Variants in OR2M3 observed in about 807,000 individuals in gnomAD.
OR2M3 encodes olfactory receptor 2M3.
OR2M3 carries 1 observed loss-of-function variant against 4.3 expected under a neutral mutation model. The ratio of observed to expected loss-of-function variants is 0.23; its 90% CI spans 0.08 to 1.11. OR2M3 has a LOEUF of 1.11. Among genes scored for constraint, OR2M3 ranks in the 50% most tolerant of loss-of-function variants. OR2M3 has a pLI of 0.54. For missense variants in OR2M3, 410 were observed against 390.4 expected, an observed-to-expected ratio of 1.05 and a Z score of -0.42; for synonymous variants, 151 against 139.4, an observed-to-expected ratio of 1.08 and a Z score of -0.59.
At chr1:248,199,831 T>G (rs1666136480) in intron 1 of OR2M3, among the ~76,000 whole-genome samples, 1 of 152,002 alleles carries the variant, frequency 6.6e-6, no homozygotes, top group African/African-American at 2.4e-5. Flanking sequence ...CACATGGATA[T>G]GAAGGAGGTG....
rs1425983776 is a variant in OR2M3 at position 248,209,047 on chromosome 1, G to T, written c.*5041G>T. 6.6e-6 allele frequency: 1 copy of T among 151,952 alleles called. No homozygotes were observed. Among genetic ancestry groups the T allele is most frequent in the East Asian group, 1.9e-4 (1 of 5,188 alleles). The allele number at this position is 151,952 out of a possible 1,614,324, so 9.4% of individuals were successfully genotyped here. ...TTTTTTTCTTGTCTTGAATGAACTG[G>T]GTTAATTTGAAAGCCTTGTCTTCAA... On this transcript the variant is annotated 3_prime_UTR_variant, in exon 2 of 2. Transcript: ENST00000641626.
rs200425194 is a variant in OR2M3 at position 248,203,367 on chromosome 1, A to T, written c.300A>T (p.Gln100His). ...TTTCTATGGCTGGTTGTGCCACACAAATTTTCTTCTATACATCACTGCTTG... is the reference window on the plus strand; with the variant it reads ...TTTCTATGGCTGGTTGTGCCACACATATTTTCTTCTATACATCACTGCTTG... Reference protein sequence around the residue: ...KSISMAGCATQIFFYTSLLGS... With the variant: ...KSISMAGCATHIFFYTSLLGS... Residue 100 changes from glutamine (Q) to histidine (H), a missense_variant, in exon 2 of 2, where the codon CAA becomes CAT. Transcript: ENST00000641626. 50 of 1,614,072 alleles carry T rather than the reference A, an allele frequency of 3.1e-5. No individual in the cohort carries two copies. The African/African-American group carries it at 6.0e-4, about 19-fold the overall frequency.
chr1:248,203,271 C>T lies in OR2M3; in HGVS notation c.204C>T (p.Leu68=), dbSNP rs1312225932. 3.7e-6 allele frequency: 6 copies of T among 1,614,080 alleles called. No homozygotes were observed. The East Asian group carries it at 1.3e-4, about 36-fold the overall frequency. ...PMYLLLSQLS[L]MDLMLICTTV... ...ACCTCCTCCTCAGCCAACTGTCCCT[C>T]ATGGACCTCATGCTCATCTGCACCA... Residue 68 remains leucine, a synonymous_variant, in exon 2 of 2, where the codon CTC becomes CTT. Coordinates refer to ENST00000641626, the MANE Select transcript of OR2M3 (RefSeq NM_001004689.2).
In OR2M3 at chr1:248,208,841, C is replaced by T. The variant is rs1462056316; in HGVS notation, c.*4835C>T. The T allele has an allele frequency of 2.0e-5, 3 of 152,102 alleles. No homozygotes were observed. Among genetic ancestry groups the T allele is most frequent in the Admixed American group, 2.0e-4 (3 of 15,256 alleles). 9.4% of individuals were successfully genotyped at this position (152,102 alleles called of 1,614,324 possible). A position where few individuals can be genotyped will look rare whatever the true frequency, so the allele number is the denominator to read the frequency against. ...TTTTGTCATGAATTTCCCAGGTGTTCTTTGAGCTTCTTGAGTTTGGATGTT... is the reference window on the plus strand; with the variant it reads ...TTTTGTCATGAATTTCCCAGGTGTTTTTTGAGCTTCTTGAGTTTGGATGTT... On this transcript the variant is annotated 3_prime_UTR_variant, in exon 2 of 2. Coordinates refer to ENST00000641626, the MANE Select transcript of OR2M3 (RefSeq NM_001004689.2).
Position 248,205,438 on chromosome 1 carries a change from G to C in OR2M3, c.*1432G>C, listed in dbSNP as rs1160831308. The C allele has an allele frequency of 6.6e-6, 1 of 151,976 alleles. No homozygotes were observed. The highest frequency in any genetic ancestry group is 6.6e-5 in the Admixed American group (1 of 15,248). The allele number at this position is 151,976 out of a possible 1,614,324, so 9.4% of individuals were successfully genotyped here. The stretch of plus-strand genomic sequence containing the variant: ...TTATGTTTTCAGTACTTAGATTTAA[G>C]GTTTTTATCCATCTTGAGTTGATTT... On this transcript the variant is annotated 3_prime_UTR_variant, in exon 2 of 2. Coordinates refer to ENST00000641626, the MANE Select transcript of OR2M3 (RefSeq NM_001004689.2).
intron 1 of OR2M3, among the ~76,000 whole-genome samples, chr1:248,197,918 C>CA (rs1488571765): frequency 4.6e-5 from 7 of 151,588 alleles, no homozygotes; most frequent in Non-Finnish European, 1.0e-4. Context: ...GGTTCTATTC[C>CA]AAAAAAATCT....
rs767650961 is a variant in OR2M3 at position 248,210,645 on chromosome 1, C to G, written c.*6639C>G. 2 of 151,816 alleles carry G rather than the reference C, an allele frequency of 1.3e-5. No homozygotes were observed. The highest frequency in any genetic ancestry group is 2.9e-5 in the Non-Finnish European group (2 of 67,902). 9.4% of individuals were successfully genotyped at this position (151,816 alleles called of 1,614,324 possible). A position where few individuals can be genotyped will look rare whatever the true frequency, so the allele number is the denominator to read the frequency against. On this transcript the variant is annotated 3_prime_UTR_variant, in exon 2 of 2. Transcript: ENST00000641626. ...CACCCTTAAGAAGGTTCTTTGTAAT[C>G]TCCCCCACCCTTAAGAAGGTTCTTT...
intron 1 of OR2M3, among the ~76,000 whole-genome samples, chr1:248,202,293 C>T (rs888356243): frequency 6.6e-6 from 1 of 151,866 alleles, no homozygotes; most frequent in African/African-American, 2.4e-5. Flanking sequence ...CCCAGTGTCT[C>T]AGTCTTTGCA....
At position 248,212,211 on chromosome 1, in the gene OR2M3, A is replaced by G. The variant is rs1666289552; in HGVS notation, c.*8205A>G. The G allele has an allele frequency of 6.6e-6, 1 of 152,136 alleles. No individual in the cohort carries two copies. The highest frequency in any genetic ancestry group is 1.5e-5 in the Non-Finnish European group (1 of 67,998). 9.4% of individuals were successfully genotyped at this position (152,136 alleles called of 1,614,324 possible). On this transcript the variant is annotated 3_prime_UTR_variant, in exon 2 of 2. Coordinates refer to ENST00000641626, the MANE Select transcript of OR2M3 (RefSeq NM_001004689.2). ...CTGTACATGAAACAAGAAGTATACT[A>G]ATAGCCATCAAATATTTTAAATATT...
chr1:248,199,599 T>C (rs1447217659), intron 1 of OR2M3, among the ~76,000 whole-genome samples: 2 of 152,134 alleles, frequency 1.3e-5, no homozygotes, highest in African/African-American at 2.4e-5. Context: ...GTCATATGTG[T>C]CTTACTAACT....
chr1:248,204,143 T>G lies in OR2M3; in HGVS notation c.*137T>G. On this transcript the variant is annotated 3_prime_UTR_variant, in exon 2 of 2. Coordinates refer to ENST00000641626, the MANE Select transcript of OR2M3 (RefSeq NM_001004689.2). ...ACATATTTATGTGCACCTATATAAT[T>G]TATTTCAGATAAACTATTATAACTA... is the stretch of plus-strand genomic sequence containing the variant. The G allele has an allele frequency of 1.5e-6, 1 of 689,450 alleles. No individual in the cohort carries two copies. The highest frequency in any genetic ancestry group is 2.2e-5 in the South Asian group (1 of 45,128). The allele number at this position is 689,450 out of a possible 1,614,324, so 42.7% of individuals were successfully genotyped here. A position where few individuals can be genotyped will look rare whatever the true frequency, so the allele number is the denominator to read the frequency against.
rs1666230784 is a variant in OR2M3 at position 248,207,032 on chromosome 1, C to T, written c.*3026C>T. The T allele has an allele frequency of 6.6e-6, 1 of 151,712 alleles. No individual in the cohort carries two copies. Among genetic ancestry groups the T allele is most frequent in the African/African-American group, 2.4e-5 (1 of 41,318 alleles). 9.4% of individuals were successfully genotyped at this position (151,712 alleles called of 1,614,324 possible). A position where few individuals can be genotyped will look rare whatever the true frequency, so the allele number is the denominator to read the frequency against. ...AGATTCTATATCTTCCTTTTTTAAT[C>T]CAGGAGGGTTGTATAGTTCCAGGAA... On this transcript the variant is annotated 3_prime_UTR_variant, in exon 2 of 2. Coordinates refer to ENST00000641626, the MANE Select transcript of OR2M3 (RefSeq NM_001004689.2).
Position 248,203,322 on chromosome 1 carries a change from C to A in OR2M3, c.255C>A (p.Tyr85Ter), listed in dbSNP as rs1321429294. Reference protein sequence around the residue: ...CTTVPKMAFNYLSGSKSISMA... With the variant: ...CTTVPKMAFN ...CCGTACCCAAGATGGCCTTCAACTACCTGTCTGGCAGCAAGTCCATTTCTA... is the reference window on the plus strand; with the variant it reads ...CCGTACCCAAGATGGCCTTCAACTAACTGTCTGGCAGCAAGTCCATTTCTA... Residue 85 changes from tyrosine to a stop codon, truncating the protein, a stop_gained, in exon 2 of 2, where the codon TAC (tyrosine) becomes TAA (stop). Coordinates refer to ENST00000641626, the MANE Select transcript of OR2M3 (RefSeq NM_001004689.2). LOFTEE classifies it low-confidence loss of function (END_TRUNC). 1 of 1,614,006 alleles carries A rather than the reference C, an allele frequency of 6.2e-7. No homozygotes were observed. Among genetic ancestry groups the A allele is most frequent in the Non-Finnish European group, 8.5e-7 (1 of 1,180,014 alleles).
At chr1:248,198,417 A>G (rs929006257) in intron 1 of OR2M3, among the ~76,000 whole-genome samples, 4 of 152,188 alleles carry the variant, frequency 2.6e-5, no homozygotes, top group African/African-American at 9.7e-5. Context: ...GTTAGTGCAC[A>G]TGCAGGTTGC....
rs1278057719 is a variant in OR2M3 at position 248,205,068 on chromosome 1, T to TTA, written c.*1070_*1071dup. The stretch of plus-strand genomic sequence containing the variant: ...ATTTTTCTAGATGCTTGTTGGCTAT[T>TTA]TATATATATTTATATATCTCCTTTT... On this transcript the variant is annotated 3_prime_UTR_variant, in exon 2 of 2. Transcript: ENST00000641626. 1.3e-5 allele frequency: 2 copies of TTA among 149,956 alleles called. No homozygotes were observed. Among genetic ancestry groups the TTA allele is most frequent in the East Asian group, 3.9e-4 (2 of 5,194 alleles). The allele number at this position is 149,956 out of a possible 1,614,324, so 9.3% of individuals were successfully genotyped here. A position where few individuals can be genotyped will look rare whatever the true frequency, so the allele number is the denominator to read the frequency against.
chr1:248,204,383 A>C lies in OR2M3; in HGVS notation c.*377A>C, dbSNP rs12063997. 0.59 allele frequency: 96,138 copies of C among 163,382 alleles called. 28,533 individuals are homozygous for C. Among genetic ancestry groups the C allele is most frequent in the Non-Finnish European group, 0.62 (47,111 of 75,572 alleles). The allele number at this position is 163,382 out of a possible 1,614,324, so 10.1% of individuals were successfully genotyped here. A position where few individuals can be genotyped will look rare whatever the true frequency, so the allele number is the denominator to read the frequency against. On this transcript the variant is annotated 3_prime_UTR_variant, in exon 2 of 2. Transcript: ENST00000641626. ...TGTACCCAATGTGTAGTCTTTTATC[A>C]CTTGTCATTCCCCGTATTTCCCTCA...
In OR2M3 at chr1:248,207,121, A is replaced by AT. The variant is rs1483479996; in HGVS notation, c.*3115_*3116insT. 9 of 151,876 alleles carry AT rather than the reference A, an allele frequency of 5.9e-5. No individual in the cohort carries two copies. The highest frequency in any genetic ancestry group is 2.2e-4 in the African/African-American group (9 of 41,398). 9.4% of individuals were successfully genotyped at this position (151,876 alleles called of 1,614,324 possible). A position where few individuals can be genotyped will look rare whatever the true frequency, so the allele number is the denominator to read the frequency against. On this transcript the variant is annotated 3_prime_UTR_variant, in exon 2 of 2. Transcript: ENST00000641626. The stretch of plus-strand genomic sequence containing the variant: ...AAAGGTGTTCATAGTAGCCTTGATT[A>AT]ATCATTTGTATTTCTATGGAATCAA...
intron 1 of OR2M3, among the ~76,000 whole-genome samples, chr1:248,197,854 C>A (rs1666114064): frequency 6.6e-6 from 1 of 152,034 alleles, no homozygotes; most frequent in African/African-American, 2.4e-5. Flanking sequence ...ATAAAATTAC[C>A]TTCAGGCTAT....
Position 248,210,750 on chromosome 1 carries a change from C to T in OR2M3, c.*6744C>T, listed in dbSNP as rs1042643629. 1 of 152,246 alleles carries T rather than the reference C, an allele frequency of 6.6e-6. No homozygotes were observed. The highest frequency in any genetic ancestry group is 1.5e-5 in the Non-Finnish European group (1 of 68,088). The allele number at this position is 152,246 out of a possible 1,614,324, so 9.4% of individuals were successfully genotyped here. On this transcript the variant is annotated 3_prime_UTR_variant, in exon 2 of 2. Transcript: ENST00000641626. ...TGTACTTTGTGAGATCCACCACCTG[C>T]CCCCAAAACATTGCTCCTAACTCCA...
Sources: allele counts gnomAD v4.1 joint callset (sites outside exome capture counted in the v4.1 genomes callset), GRCh38; gene constraint gnomAD v4.1.1; transcripts MANE v1.5; gene names NCBI Gene and HGNC (gene_info 2026-07-23, HGNC 2026-07-21).